Variants in CLMP observed in about 807,000 individuals in gnomAD.
CLMP encodes CXADR-like membrane protein.
Under a neutral mutation model 45.2 loss-of-function variants are expected in CLMP, and 27 were observed. The ratio of observed to expected loss-of-function variants is 0.60; its 90% CI spans 0.44 to 0.82. The LOEUF (loss-of-function observed/expected upper bound fraction) is 0.82, where lower values mean the gene tolerates loss of function less well. Among genes scored for constraint, CLMP ranks in the 40% least tolerant of loss-of-function variants. The pLI is 0.00. For synonymous variants in CLMP, 167 were observed against 171.4 expected (o/e 0.97, Z 0.20); for missense variants, 403 against 448.4 (o/e 0.90, Z 0.91).
chr11:123,097,706 C>T (rs1866006233), intron 2 of CLMP, 89 bp downstream of exon 2: 1 of 1,064,202 alleles, frequency 9.4e-7, no homozygotes, highest in Admixed American at 2.6e-5. Flanking sequence ...CCAGCTCTTT[C>T]AGAGCCAGAA....
At chr11:123,079,264 GT>G (rs1415646752) in intron 5 of CLMP, among the ~76,000 whole-genome samples, 1 of 152,066 alleles carries the variant, frequency 6.6e-6, no homozygotes, top group Non-Finnish European at 1.5e-5. Flanking sequence ...AAAAGCACCT[GT>G]TTCCTCATAA....
At chr11:123,136,930 G>A (rs2135513353) in intron 1 of CLMP, among the ~76,000 whole-genome samples, 1 of 152,038 alleles carries the variant, frequency 6.6e-6, no homozygotes, top group African/African-American at 2.4e-5. Context: ...TACTTATGGG[G>A]CTGGCTAATG....
Position 123,083,103 on chromosome 11 carries a change from C to T in CLMP, c.661G>A (p.Val221Met), listed in dbSNP as rs768081072. Residue 221 changes from valine to methionine, a missense_variant, in exon 5 of 7, where the codon GTG (valine) becomes ATG (methionine). Physicochemically the swap from Val to Met is conservative, Grantham distance 21 (BLOSUM62 1). Coordinates refer to ENST00000448775, the MANE Select transcript of CLMP (RefSeq NM_024769.5). Reference protein sequence around the residue: ...GNEAGKESCVVRVTVQYVQSI... With the variant: ...GNEAGKESCVMRVTVQYVQSI... ...TGCTTACACTGTACAGTTACTCGCA[C>T]CACACAGCTTTCCTTCCCAGCTTCG... is the stretch of plus-strand genomic sequence containing the variant. 11 of 1,614,058 alleles carry T rather than the reference C, an allele frequency of 6.8e-6. No homozygotes were observed. Among genetic ancestry groups the T allele is most frequent in the Non-Finnish European group, 9.3e-6 (11 of 1,180,036 alleles).
intron 1 of CLMP, among the ~76,000 whole-genome samples, chr11:123,147,577 A>G (rs1262186691): frequency 1.3e-5 from 2 of 152,068 alleles, no homozygotes; most frequent in African/African-American, 4.8e-5. Context: ...CATGCCCAGC[A>G]GCGAGCCTTT....
At chr11:123,124,807 A>G (rs1261846857) in intron 1 of CLMP, among the ~76,000 whole-genome samples, 1 of 152,206 alleles carries the variant, frequency 6.6e-6, no homozygotes, top group African/African-American at 2.4e-5. Context: ...TATGTAATCA[A>G]TATTTTCTTG....
At chr11:123,074,896 ATGT>A in intron 5 of CLMP, 53 bp from the exon 6 acceptor site, 3 of 1,577,196 alleles carry the variant, frequency 1.9e-6, no homozygotes, top group Middle Eastern at 1.7e-4. Context: ...GCTAGGAAAT[ATGT>A]TATTAACTCA....
At chr11:123,105,383 C>G (rs7951561) in intron 1 of CLMP, among the ~76,000 whole-genome samples, 68 of 51,874 alleles carry the variant, frequency 1.3e-3, no homozygotes, top group African/African-American at 3.2e-3. Flanking sequence ...CTCCCTCCCT[C>G]CCTTCCTTCC....
At chr11:123,098,283 A>G (rs954042082) in intron 1 of CLMP, among the ~76,000 whole-genome samples, 1 of 151,828 alleles carries the variant, frequency 6.6e-6, no homozygotes, top group East Asian at 1.9e-4. Flanking sequence ...GCTGGAGTGC[A>G]ATGGCATGAT....
intron 1 of CLMP, among the ~76,000 whole-genome samples, chr11:123,157,787 C>G (rs1336814515): frequency 6.7e-6 from 1 of 148,492 alleles, no homozygotes; most frequent in African/African-American, 2.5e-5. Context: ...GGCCTGGGTT[C>G]ACGGCGTGTA....
At chr11:123,186,648 G>A (rs141676854) in intron 1 of CLMP, among the ~76,000 whole-genome samples, 27 of 152,068 alleles carry the variant, frequency 1.8e-4, no homozygotes, top group African/African-American at 2.4e-4. Context: ...TCAAGCTCCC[G>A]AGTAGCTGGG....
At chr11:123,132,426 T>C (rs1400215949) in intron 1 of CLMP, among the ~76,000 whole-genome samples, 2 of 152,154 alleles carry the variant, frequency 1.3e-5, no homozygotes, top group Admixed American at 6.6e-5. Context: ...TTTTTCCTTT[T>C]TTTTCTCTTA....
intron 2 of CLMP, among the ~76,000 whole-genome samples, chr11:123,093,675 G>GT (rs1318904261): frequency 6.4e-5 from 7 of 110,088 alleles, no homozygotes; most frequent in African/African-American, 3.0e-4. Flanking sequence ...AGCCTATTTT[G>GT]TTTTTTATCC....
At chr11:123,149,773 T>C (rs1219996103) in intron 1 of CLMP, among the ~76,000 whole-genome samples, 1 of 138,826 alleles carries the variant, frequency 7.2e-6, no homozygotes, top group African/African-American at 3.0e-5. Context: ...AAGGTTTTCT[T>C]TCTTTCTTTC....
At chr11:123,191,273 G>GC (rs1861903696) in intron 1 of CLMP, 1 of 152,028 alleles carries the variant, frequency 6.6e-6, no homozygotes, top group Non-Finnish European at 1.5e-5. Context: ...TGTGTACCCT[G>GC]CCCAGATAAG....
chr11:123,187,965 C>T (rs74715806), intron 1 of CLMP, among the ~76,000 whole-genome samples: 7,843 of 152,208 alleles, frequency 0.052, 617 homozygotes, highest in African/African-American at 0.17. Context: ...ACACAGTCCC[C>T]GAAGACCTGC....
At chr11:123,162,666 T>C (rs1861501943) in intron 1 of CLMP, among the ~76,000 whole-genome samples, 1 of 151,122 alleles carries the variant, frequency 6.6e-6, no homozygotes, top group Non-Finnish European at 1.5e-5. Flanking sequence ...GAGGTCAAGG[T>C]GGGCGGATCG....
chr11:123,137,131 C>CT (rs113840066), intron 1 of CLMP, among the ~76,000 whole-genome samples: 4,367 of 143,242 alleles, frequency 0.03, 208 homozygotes, highest in African/African-American at 0.11. Context: ...GCAGACCTTT[C>CT]TCTTTTTTTC....
chr11:123,107,993 G>A (rs941953095), intron 1 of CLMP, among the ~76,000 whole-genome samples: 2 of 122,610 alleles, frequency 1.6e-5, no homozygotes, highest in Non-Finnish European at 3.6e-5. Flanking sequence ...AGACTGCAGT[G>A]AGTAAGGATG....
At position 123,083,069 on chromosome 11, in the gene CLMP, C is replaced by G. The variant is rs777767039; in HGVS notation, c.679+16G>C. The G allele has an allele frequency of 1.9e-6, 3 of 1,611,592 alleles. No homozygotes were observed. Among genetic ancestry groups the G allele is most frequent in the African/African-American group, 1.3e-5 (1 of 74,888 alleles). On this transcript the variant is annotated intron_variant, in intron 5 of 6. Coordinates refer to ENST00000448775, the MANE Select transcript of CLMP (RefSeq NM_024769.5). ...ACAAACAGAAAAATGAAACTAAAAC[C>G]TCTTTGGATGCTTACACTGTACAGT...
Sources: gnomAD v4.1 joint callset for allele counts (sites outside exome capture counted in the v4.1 genomes callset) on GRCh38, gnomAD v4.1.1 for gene constraint, MANE v1.5 for transcripts, NCBI Gene and HGNC (gene_info 2026-07-23, HGNC 2026-07-21) for gene names.